Variants in CEP192 observed in about 807,000 individuals in gnomAD.
The protein encoded by CEP192 is centrosomal protein 192.
In CEP192, 151 loss-of-function variants were observed where a neutral mutation model predicts 271.8. The ratio of observed to expected loss-of-function variants is 0.56; its 90% CI spans 0.49 to 0.64. The LOEUF (loss-of-function observed/expected upper bound fraction) is 0.64. CEP192 is among the 30% of genes least tolerant of loss of function. The pLI is 0.00. For missense variants in CEP192, 2,910 were observed against 3,020.5 expected (o/e 0.96, Z 0.86); for synonymous variants, 995 against 1,076.5 (o/e 0.92, Z 1.48).
In CEP192 at chr18:13,010,675, C is replaced by T. The variant is rs573610850; in HGVS notation, c.466+2044C>T. Among the ~76,000 whole-genome samples, 6 of 151,600 alleles carry T rather than the reference C, an allele frequency of 4.0e-5. No homozygotes were observed. The South Asian group carries it at 6.3e-4, about 16-fold the overall frequency. On this transcript the variant is annotated intron_variant, in intron 4 of 44. Transcript: ENST00000506447. ...CAGCCTGACCAACATGGAGAAACCC[C>T]GTCTCTACTAAAAATACAAAATTAG... is the stretch of plus-strand genomic sequence containing the variant.
At position 13,039,595 on chromosome 18, in the gene CEP192, C is replaced by G. The variant is rs1049728581; in HGVS notation, c.1809+1016C>G. Among the ~76,000 whole-genome samples the G allele has an allele frequency of 3.3e-5, 5 of 152,170 alleles. No individual in the cohort carries two copies. In the South Asian group the frequency reaches 1.0e-3, roughly 32 times the overall value. On this transcript the variant is annotated intron_variant, in intron 13 of 44. Transcript: ENST00000506447. ...ATTGGAGGAATGGAAAGCAGGCAGGCAGAGCTGCTCTGAGGAGCAGGGTAG... is the reference window on the plus strand; with the variant it reads ...ATTGGAGGAATGGAAAGCAGGCAGGGAGAGCTGCTCTGAGGAGCAGGGTAG...
At chr18:13,110,522 A>G (rs1001100583) in intron 40 of CEP192, among the ~76,000 whole-genome samples, 1 of 152,146 alleles carries the variant, frequency 6.6e-6, no homozygotes, top group African/African-American at 2.4e-5. Flanking sequence ...GGATAGCCAC[A>G]TGCAAAAGAA....
At chr18:13,075,764 C>A (rs536010926) in intron 30 of CEP192, among the ~76,000 whole-genome samples, 1 of 152,320 alleles carries the variant, frequency 6.6e-6, no homozygotes, top group South Asian at 2.1e-4. Context: ...GATACTACTA[C>A]TCTTGCCATT....
At chr18:13,119,435 T>C (rs1436532584) in intron 44 of CEP192, among the ~76,000 whole-genome samples, 1 of 152,210 alleles carries the variant, frequency 6.6e-6, no homozygotes, top group Non-Finnish European at 1.5e-5. Flanking sequence ...AAGGAGCTCT[T>C]CTTACCTTAA....
chr18:13,049,614 T>G lies in CEP192; in HGVS notation c.2823T>G (p.Ser941Arg), dbSNP rs753617264. The G allele has an allele frequency of 2.5e-6, 4 of 1,613,728 alleles. No homozygotes were observed. In the Admixed American group the frequency reaches 5.0e-5, roughly 20 times the overall value. Residue 941 changes from serine (S) to arginine (R), a missense_variant, in exon 16 of 45, where the codon AGT becomes AGG. Transcript: ENST00000506447. ...ATCAGAGGCAAAATGAGTGTGTCAG[T>G]GAAATAAGCAACAGTGAGAAGCATG... The part of the protein sequence containing the change: ...RENQRQNECV[S>R]EISNSEKHVT...
rs2037838283 is a variant in CEP192 at position 13,068,561 on chromosome 18, G to C, written c.4822+139G>C. The C allele has an allele frequency of 7.6e-6, 6 of 787,124 alleles. No homozygotes were observed. The East Asian group carries it at 1.1e-4, about 14-fold the overall frequency. 48.8% of individuals were successfully genotyped at this position (787,124 alleles called of 1,614,324 possible). On this transcript the variant is annotated intron_variant, in intron 24 of 44. Coordinates refer to ENST00000506447, the MANE Select transcript of CEP192 (RefSeq NM_032142.4). ...TTTATGTTTTTTTGAAATTGAGGCA[G>C]ATGGCATGCTGTTTTGGGTCAATCC...
chr18:13,014,341 C>T (rs1599068797), intron 5 of CEP192, among the ~76,000 whole-genome samples: 1 of 152,110 alleles, frequency 6.6e-6, no homozygotes, highest in Non-Finnish European at 1.5e-5. Context: ...GGAAAATAAA[C>T]GTGTTAGAAA....
At chr18:13,095,125 G>T (rs1266061435) in intron 34 of CEP192, among the ~76,000 whole-genome samples, 6 of 152,144 alleles carry the variant, frequency 3.9e-5, no homozygotes, top group Admixed American at 3.9e-4. Context: ...GGCCTTCCTG[G>T]TAGCTGGGAC....
chr18:13,095,597 G>A lies in CEP192; in HGVS notation c.6349G>A (p.Ala2117Thr), dbSNP rs755539097. 1.1e-5 allele frequency: 17 copies of A among 1,614,118 alleles called. No individual in the cohort carries two copies. Among genetic ancestry groups the A allele is most frequent in the Non-Finnish European group, 1.4e-5 (17 of 1,179,978 alleles). ...GGGTTCTCCTCTTCTCTCACGGGCGGCTCGCCCGCCTCTGGATCAGCTGGC... is the reference window on the plus strand; with the variant it reads ...GGGTTCTCCTCTTCTCTCACGGGCGACTCGCCCGCCTCTGGATCAGCTGGC... ...PQGSPLLSRA[A>T]RPPLDQLASE... Residue 2117 changes from alanine (A) to threonine (T), a missense_variant, in exon 35 of 45, where the codon GCT (alanine) becomes ACT (threonine). Ala to Thr is a moderately conservative substitution (Grantham distance 58). Coordinates refer to ENST00000506447, the MANE Select transcript of CEP192 (RefSeq NM_032142.4).
chr18:13,037,117 GC>G, intron 11 of CEP192, 119 bp from the exon 12 acceptor site: 1 of 605,702 alleles, frequency 1.7e-6, no homozygotes, highest in Non-Finnish European at 3.0e-6. Flanking sequence ...ATGAGTGCAA[GC>G]TTTTACATAC....
chr18:13,014,344 GT>G (rs2034524710), intron 5 of CEP192, among the ~76,000 whole-genome samples: 1 of 152,182 alleles, frequency 6.6e-6, no homozygotes, highest in African/African-American at 2.4e-5. Context: ...AAATAAACGT[GT>G]TAGAAAACAG....
At chr18:13,065,116 A>G (rs981380689) in intron 21 of CEP192, among the ~76,000 whole-genome samples, 1 of 151,232 alleles carries the variant, frequency 6.6e-6, no homozygotes, top group Admixed American at 6.6e-5. Context: ...ACTGACTTTT[A>G]TATGTTAATT....
chr18:13,088,304 G>C (rs1048918710), intron 32 of CEP192, among the ~76,000 whole-genome samples: 5 of 152,030 alleles, frequency 3.3e-5, no homozygotes, highest in African/African-American at 1.2e-4. Context: ...AGAAAATTTA[G>C]TTGGGTGTGA....
chr18:13,080,120 C>G (rs566893781), intron 30 of CEP192, among the ~76,000 whole-genome samples: 9 of 152,298 alleles, frequency 5.9e-5, no homozygotes, highest in African/African-American at 2.2e-4. Context: ...GCAGTGCAGT[C>G]TCTTTTTTTG....
Position 13,028,430 on chromosome 18 carries a change from A to T in CEP192, c.1051-1233A>T, listed in dbSNP as rs1234193196. Among the ~76,000 whole-genome samples, 4 of 152,368 alleles carry T rather than the reference A, an allele frequency of 2.6e-5. No individual in the cohort carries two copies. In the East Asian group the frequency reaches 5.8e-4, roughly 22 times the overall value. ...CTTAGAAGATGTTATCCACTGAAGA[A>T]TATAAGACAATCATCTGTATTTTTT... On this transcript the variant is annotated intron_variant, in intron 9 of 44. Coordinates refer to ENST00000506447, the MANE Select transcript of CEP192 (RefSeq NM_032142.4).
intron 44 of CEP192, among the ~76,000 whole-genome samples, chr18:13,124,022 C>T (rs1050675366): frequency 6.6e-6 from 1 of 151,778 alleles, no homozygotes; most frequent in Non-Finnish European, 1.5e-5. Flanking sequence ...TAGCTGGGTG[C>T]GGTGATGGGC....
chr18:13,078,126 T>A (rs2038388042), intron 30 of CEP192, among the ~76,000 whole-genome samples: 1 of 152,086 alleles, frequency 6.6e-6, no homozygotes, highest in Non-Finnish European at 1.5e-5. Flanking sequence ...TTATGTTCCC[T>A]TCCCTGTGTC....
chr18:13,002,187 T>TTGTGTGTGTGTGTG (rs1292445885), intron 3 of CEP192, among the ~76,000 whole-genome samples: 7 of 152,212 alleles, frequency 4.6e-5, no homozygotes, highest in African/African-American at 1.7e-4. Flanking sequence ...ACATTTTTAT[T>TTGTGTGTGTGTGTG]TGTAGTCTTC....
In CEP192 at chr18:13,040,842, T is replaced by A; in HGVS notation, c.1822T>A (p.Tyr608Asn). 1 of 1,585,402 alleles carries A rather than the reference T, an allele frequency of 6.3e-7. No individual in the cohort carries two copies. Residue 608 changes from tyrosine (Y) to asparagine (N), a missense_variant, in exon 14 of 45, where the codon TAT becomes AAT. Tyr to Asn is a moderately radical substitution (Grantham distance 143). Coordinates refer to ENST00000506447, the MANE Select transcript of CEP192 (RefSeq NM_032142.4). ...GNNVKRPSFG[Y>N]FIRSPEKREP... is the part of the protein sequence containing the mutation. ...AATTATTTTGTAGCCATCATTTGGC[T>A]ATTTTATTAGATCACCAGAGAAGAG...
Sources: gnomAD v4.1 joint callset for allele counts (sites outside exome capture counted in the v4.1 genomes callset) on GRCh38, gnomAD v4.1.1 for gene constraint, MANE v1.5 for transcripts, NCBI Gene and HGNC (gene_info 2026-07-23, HGNC 2026-07-21) for gene names.